FUT9: variants seen among roughly 807,000 people sequenced by gnomAD.
FUT9 encodes the protein fucosyltransferase 9.
In FUT9, 15 loss-of-function variants were observed where a neutral mutation model predicts 29.7. The ratio of observed to expected loss-of-function variants is 0.51; its 90% CI spans 0.34 to 0.78. FUT9 has a LOEUF of 0.78. Among genes scored for constraint, FUT9 ranks in the 30% least tolerant of loss-of-function variants. The pLI is 0.01. For missense variants in FUT9, 319 were observed against 425.4 expected, an observed-to-expected ratio of 0.75 and a Z score of 2.20; for synonymous variants, 169 against 153.7, an observed-to-expected ratio of 1.10 and a Z score of -0.74.
chr6:96,173,523 C>G (rs968099551), intron 2 of FUT9, among the ~76,000 whole-genome samples: 1 of 151,942 alleles, frequency 6.6e-6, no homozygotes, highest in Non-Finnish European at 1.5e-5. Flanking sequence ...AAGAATTGGG[C>G]CTTCAGTATG....
intron 2 of FUT9, among the ~76,000 whole-genome samples, chr6:96,186,535 A>G (rs1348139261): frequency 2.6e-5 from 4 of 152,142 alleles, no homozygotes; most frequent in Non-Finnish European, 5.9e-5. Context: ...AACCAACAGT[A>G]AAGAGATTTA....
chr6:96,091,271 A>G (rs1206567533), intron 1 of FUT9, among the ~76,000 whole-genome samples: 3 of 152,100 alleles, frequency 2.0e-5, no homozygotes, highest in Non-Finnish European at 4.4e-5. Flanking sequence ...TAACCATGAG[A>G]AGGTTAAATA....
chr6:96,081,457 A>G (rs981889070), intron 1 of FUT9, among the ~76,000 whole-genome samples: 1 of 151,834 alleles, frequency 6.6e-6, no homozygotes, highest in Non-Finnish European at 1.5e-5. Flanking sequence ...CTATGCTGAT[A>G]CGTCTATTTG....
At position 96,203,341 on chromosome 6, in the gene FUT9, T is replaced by C. The variant is rs1217707867; in HGVS notation, c.186T>C (p.Asn62=). The change falls in exon 3 of 3, where the codon AAT becomes AAC. Residue 62 remains asparagine, a synonymous_variant. Coordinates refer to ENST00000302103, the MANE Select transcript of FUT9 (RefSeq NM_006581.4). ...TTTCCACCAAAACTGATTATTTTAA[T>C]GAAACTACTATTCTGGTGTGGGTGT... ...NFFSTKTDYF[N]ETTILVWVWP... is the part of the protein sequence containing the mutation. 2 of 1,613,980 alleles carry C rather than the reference T, an allele frequency of 1.2e-6. No individual in the cohort carries two copies.
At chr6:96,026,930 A>G (rs1413444976) in intron 1 of FUT9, among the ~76,000 whole-genome samples, 1 of 151,688 alleles carries the variant, frequency 6.6e-6, no homozygotes, top group African/African-American at 2.4e-5. Context: ...CATGGTGAGT[A>G]TCCAATAAAT....
intron 1 of FUT9, among the ~76,000 whole-genome samples, chr6:96,033,576 G>A (rs9322615): frequency 0.44 from 66,329 of 151,210 alleles, 14,607 homozygotes; most frequent in Non-Finnish European, 0.46. Flanking sequence ...TCCAAGGTCA[G>A]TTTCCCTTCA....
chr6:96,076,881 C>T (rs1237673791), intron 1 of FUT9, among the ~76,000 whole-genome samples: 2 of 152,094 alleles, frequency 1.3e-5, no homozygotes, highest in African/African-American at 2.4e-5. Context: ...GTTTATATAT[C>T]AGATAAACAA....
At chr6:96,197,974 C>A (rs1773656552) in intron 2 of FUT9, among the ~76,000 whole-genome samples, 1 of 152,164 alleles carries the variant, frequency 6.6e-6, no homozygotes, top group African/African-American at 2.4e-5. Context: ...CATGAGGGAG[C>A]CTCCTGTTCT....
chr6:96,122,476 G>T (rs1265705381), intron 2 of FUT9, among the ~76,000 whole-genome samples: 3 of 152,100 alleles, frequency 2.0e-5, no homozygotes, highest in Non-Finnish European at 4.4e-5. Context: ...GAAATTCACA[G>T]AATTATTTGC....
chr6:96,066,415 G>A lies in FUT9; in HGVS notation c.-97-47624G>A, dbSNP rs1304344433. On this transcript the variant is annotated intron_variant, in intron 1 of 2. Coordinates refer to ENST00000302103, the MANE Select transcript of FUT9 (RefSeq NM_006581.4). ...GCATTATGATTCTAACAAGTATACT[G>A]ATTGCTCTACACATTGTCCTCTGTG... Among the ~76,000 whole-genome samples, 9 of 151,952 alleles carry A rather than the reference G, an allele frequency of 5.9e-5. No individual in the cohort carries two copies. The South Asian group carries it at 1.0e-3, about 18-fold the overall frequency.
intron 2 of FUT9, 99 bp downstream of exon 2, chr6:96,114,226 C>T (rs538323727): frequency 6.6e-6 from 1 of 152,138 alleles, no homozygotes; most frequent in East Asian, 1.9e-4. Context: ...AAATTTTGAA[C>T]TAAAACTCAT....
chr6:96,026,793 C>A (rs1322824011), intron 1 of FUT9, among the ~76,000 whole-genome samples: 1 of 151,560 alleles, frequency 6.6e-6, no homozygotes, highest in Non-Finnish European at 1.5e-5. Context: ...TTTATTTGTA[C>A]CATTTTATGC....
rs368906577 is a variant in FUT9, at chr6:96,139,860, A to C, written c.-9+25733A>C. Among the ~76,000 whole-genome samples the C allele has an allele frequency of 7.9e-5, 12 of 152,008 alleles. No homozygotes were observed. In the East Asian group the frequency reaches 9.7e-4, roughly 12 times the overall value. On this transcript the variant is annotated intron_variant, in intron 2 of 2. Transcript: ENST00000302103. ...GTGGGGCCTCCATGCCTGTGATTGG[A>C]GGGGGGCTGCTGTGAAGGTCTCTGA...
intron 1 of FUT9, among the ~76,000 whole-genome samples, chr6:96,059,149 G>A (rs544266492): frequency 2.6e-5 from 4 of 152,128 alleles, no homozygotes; most frequent in Non-Finnish European, 5.9e-5. Context: ...GGATAATGTA[G>A]GTTGTGAACT....
chr6:96,054,608 T>C (rs1268801648), intron 1 of FUT9, among the ~76,000 whole-genome samples: 1 of 152,152 alleles, frequency 6.6e-6, no homozygotes, highest in Non-Finnish European at 1.5e-5. Context: ...ACAATGAATA[T>C]CATAATGCAA....
intron 1 of FUT9, among the ~76,000 whole-genome samples, chr6:96,081,522 T>G (rs1771236545): frequency 1.3e-5 from 2 of 151,896 alleles, no homozygotes; most frequent in African/African-American, 4.8e-5. Context: ...TATCTTACAA[T>G]GTATATATAA....
chr6:96,026,737 ACTAGGCTTGGACACATGC>A (rs1289872466), intron 1 of FUT9, among the ~76,000 whole-genome samples: 2 of 151,708 alleles, frequency 1.3e-5, no homozygotes, highest in Admixed American at 1.3e-4. Context: ...TCTCCTATAC[ACTAGGCTTGGACACATGC>A]CTTTCTTTGT....
chr6:96,165,324 G>A (rs922553694), intron 2 of FUT9, among the ~76,000 whole-genome samples: 2 of 151,672 alleles, frequency 1.3e-5, no homozygotes, highest in African/African-American at 4.8e-5. Flanking sequence ...CCAGCTATTC[G>A]GGAGGCTGAG....
intron 2 of FUT9, among the ~76,000 whole-genome samples, chr6:96,183,976 T>C (rs368583541): frequency 1.2e-3 from 181 of 152,224 alleles, no homozygotes; most frequent in South Asian, 3.9e-3. Context: ...TTAGGGAGGA[T>C]TCCCTCTTTC....
Sources: allele counts gnomAD v4.1 joint callset (sites outside exome capture counted in the v4.1 genomes callset), GRCh38; gene constraint gnomAD v4.1.1; transcripts MANE v1.5; gene names NCBI Gene and HGNC (gene_info 2026-07-23, HGNC 2026-07-21).